Variants in SYBU observed in about 807,000 individuals in gnomAD.
SYBU encodes syntabulin, also known as GOLSYN A protein.
A neutral mutation model predicts 35.9 loss-of-function variants in SYBU; 21 were observed. The observed-to-expected ratio is 0.58, with a 90% CI of 0.41 to 0.84. The LOEUF is 0.84. Ranked by LOEUF, SYBU falls within the 40% of genes least tolerant of loss-of-function variation. The pLI is 0.00. For missense variants in SYBU, 768 were observed against 848.2 expected (o/e 0.91, Z 1.17); for synonymous variants, 319 against 324.3 (o/e 0.98, Z 0.18).
chr8:109,686,430 G>T (rs114049101), intron 1 of SYBU, among the ~76,000 whole-genome samples: 2 of 152,070 alleles, frequency 1.3e-5, no homozygotes, highest in African/African-American at 4.8e-5. Context: ...TAAAAGACAC[G>T]CATCAATGTG....
chr8:109,614,503 A>G (rs1811518605), intron 3 of SYBU, among the ~76,000 whole-genome samples: 1 of 152,244 alleles, frequency 6.6e-6, no homozygotes, highest in South Asian at 2.1e-4. Flanking sequence ...CAAACTTATC[A>G]TACAGTATTC....
intron 1 of SYBU, among the ~76,000 whole-genome samples, chr8:109,666,533 G>C (rs1246809389): frequency 6.6e-6 from 1 of 152,202 alleles, no homozygotes. Context: ...TTGAGGTCAG[G>C]AGTTTGAGAC....
intron 1 of SYBU, among the ~76,000 whole-genome samples, chr8:109,673,412 G>C (rs538200690): frequency 2.0e-5 from 3 of 152,286 alleles, no homozygotes; most frequent in African/African-American, 7.2e-5. Flanking sequence ...TGGACCTCCA[G>C]CCAACTCCGG....
chr8:109,689,323 C>A (rs939836325), intron 1 of SYBU, among the ~76,000 whole-genome samples: 1 of 151,904 alleles, frequency 6.6e-6, no homozygotes, highest in African/African-American at 2.4e-5. Context: ...TTAAAATTTT[C>A]TTTAATTAAT....
chr8:109,601,739 A>T (rs1825548821), intron 3 of SYBU, among the ~76,000 whole-genome samples: 1 of 152,202 alleles, frequency 6.6e-6, no homozygotes, highest in South Asian at 2.1e-4. Context: ...AACACAGAGG[A>T]AGAAAAACAC....
rs116347732 is a variant in SYBU, at chr8:109,671,522, C to T, written c.-129+9189G>A. Among the ~76,000 whole-genome samples the T allele has an allele frequency of 9.0e-3, 1,364 of 152,258 alleles. 27 individuals carry two copies. The highest frequency in any genetic ancestry group is 0.032 in the African/African-American group (1,310 of 41,560). On this transcript the variant is annotated intron_variant, in intron 1 of 5. Coordinates refer to the SYBU transcript ENST00000408889. ...CTCTTGTGGGTTCTAAGTTCCACTG[C>T]AATTTAATTTTTGGCCACATGAATT...
rs1821968749 is a variant in SYBU, at chr8:109,574,333, T to TAACA, written c.*569_*572dup. The TAACA allele has an allele frequency of 6.6e-6, 1 of 152,634 alleles. No individual in the cohort carries two copies. Among genetic ancestry groups the TAACA allele is most frequent in the African/African-American group, 2.4e-5 (1 of 41,450 alleles). 9.5% of individuals were successfully genotyped at this position (152,634 alleles called of 1,614,324 possible). On this transcript the variant is annotated 3_prime_UTR_variant, in exon 7 of 7. Coordinates refer to ENST00000276646, the MANE Select transcript of SYBU (RefSeq NM_001099754.2). Reference sequence around the variant, plus strand: ...TAAACTTATGCACAGTTTCATCAATTAACAGTTTAAGAACAAACAAGCCAT... The same window carrying TAACA: ...TAAACTTATGCACAGTTTCATCAATTAACAAACAGTTTAAGAACAAACAAGCCAT...
chr8:109,610,068 G>A (rs552213099), intron 3 of SYBU, among the ~76,000 whole-genome samples: 27 of 151,978 alleles, frequency 1.8e-4, no homozygotes, highest in South Asian at 1.5e-3. Context: ...CTAACTCACC[G>A]CTCTGCCCAC....
intron 1 of SYBU, among the ~76,000 whole-genome samples, chr8:109,649,933 G>C (rs1816050211): frequency 6.6e-6 from 1 of 152,146 alleles, no homozygotes; most frequent in African/African-American, 2.4e-5. Flanking sequence ...CAATCTGTTG[G>C]TCTCACAGGT....
intron 4 of SYBU, among the ~76,000 whole-genome samples, chr8:109,582,654 A>G (rs1343974031): frequency 2.0e-5 from 3 of 152,170 alleles, no homozygotes; most frequent in Non-Finnish European, 2.9e-5. Flanking sequence ...TATCATCATC[A>G]TCGTCATCAT....
chr8:109,650,471 A>G (rs1363928419), intron 1 of SYBU, among the ~76,000 whole-genome samples: 1 of 152,186 alleles, frequency 6.6e-6, no homozygotes, highest in African/African-American at 2.4e-5. Flanking sequence ...GAGGCCAACC[A>G]ACTACTATGA....
At chr8:109,625,187 T>G (rs1334256025) in intron 2 of SYBU, among the ~76,000 whole-genome samples, 4 of 152,100 alleles carry the variant, frequency 2.6e-5, no homozygotes, top group Non-Finnish European at 5.9e-5. Context: ...AGAAATGACA[T>G]GATGTCTGGA....
intron 2 of SYBU, among the ~76,000 whole-genome samples, chr8:109,629,606 C>T (rs1044019527): frequency 2.6e-5 from 4 of 152,056 alleles, no homozygotes; most frequent in South Asian, 2.1e-4. Flanking sequence ...AATAAACATA[C>T]GTGTGCATGT....
chr8:109,600,576 T>A (rs1040811394), intron 3 of SYBU, among the ~76,000 whole-genome samples: 3 of 152,184 alleles, frequency 2.0e-5, no homozygotes, highest in African/African-American at 7.2e-5. Context: ...AATGGTATCA[T>A]TAACTTTGAG....
In SYBU at chr8:109,575,223, T is replaced by A; in HGVS notation, c.1675A>T (p.Thr559Ser). ...NSAILLSPVETPYANVDAEVH... is the reference protein window; with the variant it reads ...NSAILLSPVESPYANVDAEVH... ...TCTGCATCCACATTGGCGTAGGGGGTCTCCACGGGAGACAAAAGGATGGCT... is the reference window on the plus strand; with the variant it reads ...TCTGCATCCACATTGGCGTAGGGGGACTCCACGGGAGACAAAAGGATGGCT... The change falls in exon 7 of 7, where the codon ACC becomes TCC. Residue 559 changes from threonine to serine, a missense_variant. By Grantham distance (58) the Thr-to-Ser change is moderately conservative. Coordinates refer to ENST00000276646, the MANE Select transcript of SYBU (RefSeq NM_001099754.2). The A allele has an allele frequency of 6.2e-7, 1 of 1,611,238 alleles. No individual in the cohort carries two copies. The highest frequency in any genetic ancestry group is 8.5e-7 in the Non-Finnish European group (1 of 1,179,330).
At chr8:109,578,320 T>C (rs1258901961) in intron 5 of SYBU, among the ~76,000 whole-genome samples, 2 of 152,188 alleles carry the variant, frequency 1.3e-5, no homozygotes, top group African/African-American at 4.8e-5. Flanking sequence ...AAGACAGCCC[T>C]TCCCAGAACC....
chr8:109,577,304 G>T (rs189824872), intron 6 of SYBU, among the ~76,000 whole-genome samples: 1 of 151,600 alleles, frequency 6.6e-6, no homozygotes, highest in East Asian at 1.9e-4. Flanking sequence ...AGAAAAACTG[G>T]CCTGCTGCCC....
chr8:109,669,522 T>C (rs1056021663), intron 1 of SYBU, among the ~76,000 whole-genome samples: 7 of 152,186 alleles, frequency 4.6e-5, no homozygotes, highest in African/African-American at 1.7e-4. Flanking sequence ...ATTTCTGATT[T>C]AGTCCTATGT....
chr8:109,640,919 TG>T (rs1461791721), intron 2 of SYBU, among the ~76,000 whole-genome samples: 1 of 152,022 alleles, frequency 6.6e-6, no homozygotes, highest in African/African-American at 2.4e-5. Flanking sequence ...AATCCAAAGC[TG>T]CATTTATAAA....
Sources: allele counts gnomAD v4.1 joint callset (sites outside exome capture counted in the v4.1 genomes callset), GRCh38; gene constraint gnomAD v4.1.1; transcripts MANE v1.5; gene names NCBI Gene and HGNC (gene_info 2026-07-23, HGNC 2026-07-21).